Variants in DEK observed in about 807,000 individuals in gnomAD.
The protein encoded by DEK is protein DEK.
Under a neutral mutation model 46.8 loss-of-function variants are expected in DEK, and 28 were observed. The observed-to-expected ratio is 0.60, with a 90% CI of 0.44 to 0.82. DEK has a LOEUF of 0.82. Ranked by LOEUF, DEK falls within the 40% of genes least tolerant of loss-of-function variation. The pLI is 0.00. For missense variants in DEK, 416 were observed against 430.6 expected (o/e 0.97, Z 0.30); for synonymous variants, 160 against 144.5 (o/e 1.11, Z -0.77).
chr6:18,259,394 C>CAAAAAAAAAAAAAAAAAAAAAAAAAAA (rs56704006), intron 2 of DEK, among the ~76,000 whole-genome samples: 1 of 41,482 alleles, frequency 2.4e-5, no homozygotes, highest in African/African-American at 7.2e-5. Flanking sequence ...GACTCCGTCT[C>CAAAAAAAAAAAAAAAAAAAAAAAAAAA]AAAAAAAAAA....
At chr6:18,256,859 C>A (rs1159050397) in intron 4 of DEK, among the ~76,000 whole-genome samples, 1 of 152,112 alleles carries the variant, frequency 6.6e-6, no homozygotes, top group East Asian at 1.9e-4. Flanking sequence ...GGACTTTATT[C>A]TTTCAAAGTA....
intron 4 of DEK, 86 bp from the exon 5 acceptor site, chr6:18,256,541 T>C: frequency 9.3e-7 from 1 of 1,079,970 alleles, no homozygotes; most frequent in Non-Finnish European, 1.4e-6. Context: ...AGTCAACATC[T>C]TTATTTTCAT....
At position 18,264,472 on chromosome 6, in the gene DEK, G is replaced by A. The variant is rs1792029087; in HGVS notation, c.-97C>T. The A allele has an allele frequency of 3.5e-6, 1 of 283,046 alleles. No homozygotes were observed. Among genetic ancestry groups the A allele is most frequent in the East Asian group, 1.1e-4 (1 of 8,768 alleles). The allele number at this position is 283,046 out of a possible 1,614,324, so 17.5% of individuals were successfully genotyped here. On this transcript the variant is annotated 5_prime_UTR_variant, in exon 1 of 11. Coordinates refer to ENST00000652689, the MANE Select transcript of DEK (RefSeq NM_003472.4). ...GCGGCCGACGCCGAGGAGAAGGCGC[G>A]CGGGCCGCTGTCTGGCGTGACGCTC...
Position 18,263,351 on chromosome 6 carries a change from T to C in DEK, c.145+492A>G, listed in dbSNP as rs1305831813. 2.6e-5 allele frequency among the ~76,000 whole-genome samples: 4 copies of C among 152,292 alleles called. No homozygotes were observed. The East Asian group carries it at 5.8e-4, about 22-fold the overall frequency. On this transcript the variant is annotated intron_variant, in intron 2 of 10. Coordinates refer to ENST00000652689, the MANE Select transcript of DEK (RefSeq NM_003472.4). ...CCAGGGAGGGAAACTTTTTGGTAAA[T>C]GTAAAAATATTCGAAAGTATTCAAA...
chr6:18,234,895 T>G (rs1790580519), intron 9 of DEK, among the ~76,000 whole-genome samples: 1 of 152,202 alleles, frequency 6.6e-6, no homozygotes, highest in Admixed American at 6.5e-5. Flanking sequence ...CATTAATAAC[T>G]CTTGCTTTTA....
intron 2 of DEK, among the ~76,000 whole-genome samples, chr6:18,262,033 T>C (rs553230695): frequency 6.6e-6 from 1 of 152,250 alleles, no homozygotes; most frequent in East Asian, 1.9e-4. Context: ...ATGAACGGCT[T>C]AGCATGGTAA....
chr6:18,236,691 T>C (rs1362659114), intron 8 of DEK, 91 bp from the exon 9 acceptor site: 2 of 930,306 alleles, frequency 2.1e-6, no homozygotes, highest in African/African-American at 3.5e-5. Flanking sequence ...CAACAGATTC[T>C]CAAAGGGGTA....
In DEK at chr6:18,258,057, C is replaced by T. The variant is rs1946519933; in HGVS notation, c.253G>A (p.Gly85Arg). ...CTCTCAATTTCACAAAGTTTCTGCCCCTTTCCTGGGGAAAAAAAAAAATCA... is the reference window on the plus strand; with the variant it reads ...CTCTCAATTTCACAAAGTTTCTGCCTCTTTCCTGGGGAAAAAAAAAAATCA... ...REPFTIAQGK[G>R]QKLCEIERIH... Residue 85 changes from glycine (G) to arginine (R), a missense_variant, in exon 4 of 11, where the codon GGG (glycine) becomes AGG (arginine). Coordinates refer to ENST00000652689, the MANE Select transcript of DEK (RefSeq NM_003472.4). The T allele has an allele frequency of 1.3e-6, 2 of 1,596,430 alleles. No homozygotes were observed. Among genetic ancestry groups the T allele is most frequent in the Non-Finnish European group, 1.7e-6 (2 of 1,174,474 alleles).
At chr6:18,261,362 C>T (rs185608104) in intron 2 of DEK, among the ~76,000 whole-genome samples, 15 of 152,212 alleles carry the variant, frequency 9.9e-5, no homozygotes, top group Admixed American at 9.8e-4. Flanking sequence ...CACCTGAGGT[C>T]GGGAGTTTGA....
Position 18,264,462 on chromosome 6 carries a change from G to T in DEK, c.-87C>A. ...GGAGGCGGCGGCGGCCGACGCCGAG[G>T]AGAAGGCGCGCGGGCCGCTGTCTGG... On this transcript the variant is annotated 5_prime_UTR_variant, in exon 1 of 11. Coordinates refer to ENST00000652689, the MANE Select transcript of DEK (RefSeq NM_003472.4). The T allele has an allele frequency of 3.5e-6, 1 of 284,668 alleles. No homozygotes were observed. The highest frequency in any genetic ancestry group is 7.1e-6 in the Non-Finnish European group (1 of 140,466). The allele number at this position is 284,668 out of a possible 1,614,324, so 17.6% of individuals were successfully genotyped here.
At chr6:18,227,024 C>T (rs1408491272) in intron 9 of DEK, among the ~76,000 whole-genome samples, 1 of 152,196 alleles carries the variant, frequency 6.6e-6, no homozygotes, top group Non-Finnish European at 1.5e-5. Flanking sequence ...CCCAGGGACA[C>T]AAACACCGCG....
At chr6:18,238,000 C>G (rs1255873381) in intron 7 of DEK, among the ~76,000 whole-genome samples, 1 of 151,662 alleles carries the variant, frequency 6.6e-6, no homozygotes, top group Non-Finnish European at 1.5e-5. Flanking sequence ...TCCCTAGTAG[C>G]TGGGATTACA....
At chr6:18,237,668 T>C (rs1790718064) in intron 7 of DEK, 152 bp from the exon 8 acceptor site, 2 of 989,862 alleles carry the variant, frequency 2.0e-6, no homozygotes, top group African/African-American at 1.7e-5. Flanking sequence ...AGATGACTAA[T>C]ATACAACAAT....
At chr6:18,228,272 A>G (rs1237744614) in intron 9 of DEK, among the ~76,000 whole-genome samples, 6 of 152,332 alleles carry the variant, frequency 3.9e-5, no homozygotes, top group Non-Finnish European at 5.9e-5. Context: ...CTGTATTACA[A>G]TAAAATTTTG....
At chr6:18,247,892 G>A (rs991956741) in intron 7 of DEK, among the ~76,000 whole-genome samples, 7 of 152,080 alleles carry the variant, frequency 4.6e-5, no homozygotes, top group Admixed American at 6.5e-5. Flanking sequence ...GGCTGGTCTC[G>A]AACTCCTGAC....
At chr6:18,228,088 T>C (rs944012480) in intron 9 of DEK, among the ~76,000 whole-genome samples, 1 of 152,228 alleles carries the variant, frequency 6.6e-6, no homozygotes, top group Non-Finnish European at 1.5e-5. Context: ...AAGCACCCTG[T>C]AGGCTTTACT....
At chr6:18,254,483 T>C (rs1404779865) in intron 6 of DEK, among the ~76,000 whole-genome samples, 2 of 151,786 alleles carry the variant, frequency 1.3e-5, no homozygotes, top group African/African-American at 2.4e-5. Flanking sequence ...TGAAAAGTTA[T>C]TTTTCCTAGA....
chr6:18,246,277 C>T (rs1370272952), intron 7 of DEK, among the ~76,000 whole-genome samples: 1 of 152,154 alleles, frequency 6.6e-6, no homozygotes, highest in Non-Finnish European at 1.5e-5. Context: ...AATTGCTCTC[C>T]TTTTACTGTT....
At chr6:18,261,757 G>C (rs1791880824) in intron 2 of DEK, among the ~76,000 whole-genome samples, 1 of 152,178 alleles carries the variant, frequency 6.6e-6, no homozygotes, top group South Asian at 2.1e-4. Flanking sequence ...CAGGCTCATA[G>C]GTGGAAGAAA....
Sources: gnomAD v4.1 joint callset for allele counts (sites outside exome capture counted in the v4.1 genomes callset) on GRCh38, gnomAD v4.1.1 for gene constraint, MANE v1.5 for transcripts, NCBI Gene and HGNC (gene_info 2026-07-23, HGNC 2026-07-21) for gene names.